SP6: variants seen among roughly 807,000 people sequenced by gnomAD.
SP6 encodes Sp6 transcription factor, also known as transcription factor Sp6.
A neutral mutation model predicts 23.4 loss-of-function variants in SP6; 10 were observed. The observed-to-expected ratio is 0.43, with a 90% CI of 0.26 to 0.72. The LOEUF (loss-of-function observed/expected upper bound fraction) is 0.72. Ranked by LOEUF, SP6 falls within the 30% of genes least tolerant of loss-of-function variation. The probability of loss-of-function intolerance (pLI) is 0.23; values close to 1 mark genes in which losing one functional copy is unlikely to be tolerated. For synonymous variants in SP6, 238 were observed against 238.7 expected, an observed-to-expected ratio of 1.00 and a Z score of 0.03; for missense variants, 482 against 523.8, an observed-to-expected ratio of 0.92 and a Z score of 0.78.
intron 1 of SP6, among the ~76,000 whole-genome samples, chr17:47,849,110 A>T (rs1251751634): frequency 6.6e-6 from 1 of 151,964 alleles, no homozygotes; most frequent in Non-Finnish European, 1.5e-5. Context: ...AAACCGACTC[A>T]CATGCCCCCA....
upstream of SP6, among the ~76,000 whole-genome samples, chr17:47,860,594 T>C (rs1404838776): frequency 6.6e-6 from 1 of 151,658 alleles, no homozygotes; most frequent in Non-Finnish European, 1.5e-5. Flanking sequence ...CTGGGTGCAA[T>C]GGCCCATGCC....
upstream of SP6, among the ~76,000 whole-genome samples, chr17:47,853,196 G>C (rs2033974729): frequency 6.6e-6 from 1 of 152,218 alleles, no homozygotes. Flanking sequence ...CTGATCAGTC[G>C]GGGTTTGCTT....
the SP6 span, among the ~76,000 whole-genome samples, chr17:47,861,909 G>A: frequency 2.0e-5 from 3 of 152,002 alleles, no homozygotes. Context: ...AGTTGGGCAT[G>A]GTGAGGGTGC....
At chr17:47,852,672 G>T (rs982731847), upstream of SP6, among the ~76,000 whole-genome samples, 2 of 152,128 alleles carry the variant, frequency 1.3e-5, no homozygotes, top group Admixed American at 6.6e-5. Flanking sequence ...TAAACCGAGT[G>T]CATAAGCGGG....
upstream of SP6, among the ~76,000 whole-genome samples, chr17:47,858,289 T>G (rs2034012622): frequency 6.6e-6 from 1 of 152,054 alleles, no homozygotes; most frequent in Admixed American, 6.6e-5. Context: ...TCAACTTCCC[T>G]TTTCCCACCC....
the SP6 span, chr17:47,863,459 G>A: frequency 6.6e-6 from 1 of 152,044 alleles, no homozygotes; most frequent in African/African-American, 2.4e-5. Context: ...ACGAATAGAT[G>A]AAGGAAGGAA....
the SP6 span, among the ~76,000 whole-genome samples, chr17:47,875,109 C>T: frequency 6.6e-6 from 1 of 152,166 alleles, no homozygotes; most frequent in Admixed American, 6.5e-5. Context: ...GAAACTCTGG[C>T]CTGGCATCTG....
At chr17:47,861,600 G>C in the SP6 span, among the ~76,000 whole-genome samples, 1 of 152,196 alleles carries the variant, frequency 6.6e-6, no homozygotes, top group African/African-American at 2.4e-5. Flanking sequence ...AGGCATGGCG[G>C]TGCGCGCCTG....
the SP6 span, among the ~76,000 whole-genome samples, chr17:47,864,001 CTTTTTT>C: frequency 3.9e-4 from 40 of 101,576 alleles, no homozygotes; most frequent in African/African-American, 1.5e-3. Context: ...CCGCGCCTGG[CTTTTTT>C]TTTTTTTTTT....
Position 47,848,467 on chromosome 17 carries a change from AG to A in SP6, c.-39del. ...GGGTGGGGTGAGGGCAGGGACGGTC[AG>A]GGGCACCTCAGACGGGACCTAAAGG... On this transcript the variant is annotated 5_prime_UTR_variant, in exon 2 of 2. Transcript: ENST00000536300. This position sits in a 1 kb window ranked among gnomAD's most constrained non-coding sequence, Gnocchi z 5.3. 2.1e-6 allele frequency: 3 copies of A among 1,463,044 alleles called. No homozygotes were observed. The highest frequency in any genetic ancestry group is 2.7e-6 in the Non-Finnish European group (3 of 1,103,776). 90.6% of individuals were successfully genotyped at this position (1,463,044 alleles called of 1,614,324 possible).
upstream of SP6, among the ~76,000 whole-genome samples, chr17:47,860,314 C>T (rs1180019329): frequency 6.6e-6 from 1 of 152,214 alleles, no homozygotes; most frequent in Non-Finnish European, 1.5e-5. Context: ...TCAAGTTGTA[C>T]TTTTCTGTGC....
chr17:47,873,297 C>G, the SP6 span, among the ~76,000 whole-genome samples: 1 of 152,156 alleles, frequency 6.6e-6, no homozygotes, highest in Non-Finnish European at 1.5e-5. Flanking sequence ...ACCTTAGATT[C>G]ACCTGGGACC....
chr17:47,852,159 C>G (rs1320339188), upstream of SP6, among the ~76,000 whole-genome samples: 3 of 152,184 alleles, frequency 2.0e-5, no homozygotes, highest in Non-Finnish European at 4.4e-5. Flanking sequence ...AATAACTAAA[C>G]CCAAGGTTCT....
chr17:47,859,539 T>C (rs551937375), upstream of SP6, among the ~76,000 whole-genome samples: 14 of 152,348 alleles, frequency 9.2e-5, no homozygotes, highest in South Asian at 2.3e-3. Flanking sequence ...GGCCAGAGCC[T>C]TTCTTTGAGA....
rs1204018977 is a variant in SP6 at position 47,847,772 on chromosome 17, G to A, written c.658C>T (p.Pro220Ser). 1 of 1,552,548 alleles carries A rather than the reference G, an allele frequency of 6.4e-7. No homozygotes were observed. Among genetic ancestry groups the A allele is most frequent in the Non-Finnish European group, 8.7e-7 (1 of 1,151,242 alleles). Residue 220 changes from proline (P) to serine (S), a missense_variant, in exon 2 of 2, where the codon CCC becomes TCC. By Grantham distance (74) the Pro-to-Ser change is moderately conservative. Transcript: ENST00000536300. ...CAGACGGTCTGGCCTGAGCTGCGGG[G>A]CACCGACCGCCGGGAGCCTTTGGGA... is the stretch of plus-strand genomic sequence containing the variant. ...ARPKGSRRSV[P>S]RSSGQTVCRC...
chr17:47,851,497 G>A (rs1205822993), upstream of SP6, among the ~76,000 whole-genome samples: 1 of 152,146 alleles, frequency 6.6e-6, no homozygotes, highest in African/African-American at 2.4e-5. Flanking sequence ...ATGGATAAGG[G>A]GGCAGGTCCT....
At chr17:47,868,515 G>T in the SP6 span, among the ~76,000 whole-genome samples, 1 of 152,196 alleles carries the variant, frequency 6.6e-6, no homozygotes, top group African/African-American at 2.4e-5. Flanking sequence ...ACCCAGAGCT[G>T]CCTACATCAG....
the SP6 span, among the ~76,000 whole-genome samples, chr17:47,872,505 G>A: frequency 2.2e-3 from 336 of 152,330 alleles, no homozygotes; most frequent in African/African-American, 7.7e-3. Context: ...CTCAGTGGCG[G>A]CGGCGGCGGC....
the SP6 span, among the ~76,000 whole-genome samples, chr17:47,867,099 G>A: frequency 5.9e-5 from 9 of 152,092 alleles, no homozygotes; most frequent in Admixed American, 1.3e-4. Flanking sequence ...GTACTTCGGC[G>A]GCTGATGACC....
Sources: gnomAD v4.1 joint callset for allele counts (sites outside exome capture counted in the v4.1 genomes callset) on GRCh38, gnomAD v4.1.1 for gene constraint, Gnocchi (gnomAD v3.1) non-coding constraint, MANE v1.5 for transcripts, NCBI Gene and HGNC (gene_info 2026-07-23, HGNC 2026-07-21) for gene names.